ZBTB7C: variants seen among roughly 807,000 people sequenced by gnomAD.
The protein encoded by ZBTB7C is zinc finger and BTB domain-containing protein 7C.
ZBTB7C carries 8 observed loss-of-function variants against 25.7 expected under a neutral mutation model. The observed-to-expected ratio is 0.31, with a 90% CI of 0.18 to 0.56. The LOEUF is 0.56. Among genes scored for constraint, ZBTB7C ranks in the 20% least tolerant of loss-of-function variants. The pLI is 0.91. For synonymous variants in ZBTB7C, 394 were observed against 369.0 expected (o/e 1.07, Z -0.78); for missense variants, 824 against 855.2 (o/e 0.96, Z 0.46).
intron 3 of ZBTB7C, chr18:48,180,600 G>T (rs531145708): frequency 9.5e-6 from 3 of 314,798 alleles, no homozygotes; most frequent in Admixed American, 4.4e-5. Flanking sequence ...AGGGTGATGG[G>T]GGGGTGGGCC....
At chr18:48,087,383 CT>C in intron 3 of ZBTB7C, among the ~76,000 whole-genome samples, 1 of 152,318 alleles carries the variant, frequency 6.6e-6, no homozygotes, top group African/African-American at 2.4e-5. Flanking sequence ...ACTTACAGAC[CT>C]TTTGCATTCC....
intron 3 of ZBTB7C, among the ~76,000 whole-genome samples, chr18:48,089,250 CT>C (rs1380010575): frequency 1.3e-5 from 2 of 151,974 alleles, no homozygotes; most frequent in African/African-American, 4.8e-5. Context: ...GGGTGGATCA[CT>C]TGAGGTCAGG....
chr18:48,278,079 C>A (rs1032245126), intron 2 of ZBTB7C, among the ~76,000 whole-genome samples: 11 of 152,166 alleles, frequency 7.2e-5, no homozygotes, highest in Non-Finnish European at 1.3e-4. Context: ...TTATGTTTCC[C>A]TCCCCCTGAA....
intron 1 of ZBTB7C, among the ~76,000 whole-genome samples, chr18:48,397,372 T>C (rs2048053645): frequency 6.6e-6 from 1 of 152,212 alleles, no homozygotes; most frequent in South Asian, 2.1e-4. Flanking sequence ...ACCATTCCTT[T>C]GTACAGGCGG....
intron 3 of ZBTB7C, among the ~76,000 whole-genome samples, chr18:48,087,969 C>A (rs1237863611): frequency 6.6e-6 from 1 of 151,836 alleles, no homozygotes; most frequent in African/African-American, 2.4e-5. Context: ...TTTGAAAAGA[C>A]TAAAACAGTA....
chr18:48,167,479 C>T (rs959641472), intron 3 of ZBTB7C, among the ~76,000 whole-genome samples: 3 of 152,042 alleles, frequency 2.0e-5, no homozygotes, highest in African/African-American at 7.3e-5. Flanking sequence ...GTATGGGGGA[C>T]ATCAAAGGCA....
Position 48,358,510 on chromosome 18 carries a change from G to A in ZBTB7C, c.-303-20112C>T, listed in dbSNP as rs367923261. On this transcript the variant is annotated intron_variant, in intron 1 of 4. Transcript: ENST00000590800. The stretch of plus-strand genomic sequence containing the variant: ...TGCTGGAGCCAGGCTTGTACAGTTG[G>A]CAGAACTGTGAGTCAATCAAACCCT... 2.9e-4 allele frequency among the ~76,000 whole-genome samples: 44 copies of A among 152,268 alleles called. No individual in the cohort carries two copies. The South Asian group carries it at 8.5e-3, about 29-fold the overall frequency.
At chr18:48,106,266 G>A (rs887553660) in intron 3 of ZBTB7C, among the ~76,000 whole-genome samples, 1 of 151,410 alleles carries the variant, frequency 6.6e-6, no homozygotes, top group Non-Finnish European at 1.5e-5. Flanking sequence ...GCAAGCCCCT[G>A]ACAAGCTCCT....
chr18:48,143,314 C>T (rs577841154), intron 3 of ZBTB7C, among the ~76,000 whole-genome samples: 26 of 152,060 alleles, frequency 1.7e-4, no homozygotes, highest in African/African-American at 5.8e-4. Flanking sequence ...GCAGGGTCAC[C>T]GGCACTTACC....
At chr18:48,161,636 G>A (rs373801152) in intron 3 of ZBTB7C, among the ~76,000 whole-genome samples, 3,397 of 151,710 alleles carry the variant, frequency 0.022, 126 homozygotes, top group African/African-American at 0.078. Flanking sequence ...CCGGCCACAA[G>A]CGCCCCGGAC....
intron 3 of ZBTB7C, chr18:48,185,224 G>A: frequency 2.7e-6 from 1 of 370,394 alleles, no homozygotes; most frequent in South Asian, 2.1e-5. Context: ...TCCTCCATCA[G>A]TCCAGTTCAA....
At chr18:48,285,005 G>A (rs1221499828) in intron 2 of ZBTB7C, among the ~76,000 whole-genome samples, 6 of 152,202 alleles carry the variant, frequency 3.9e-5, no homozygotes, top group African/African-American at 1.4e-4. Context: ...GGTAGAGAAT[G>A]TGGGCTGCAT....
intron 1 of ZBTB7C, among the ~76,000 whole-genome samples, chr18:48,342,285 G>C (rs2046621095): frequency 6.6e-6 from 1 of 152,238 alleles, no homozygotes; most frequent in Admixed American, 6.5e-5. Flanking sequence ...TGCACCCCCT[G>C]CCCAGAGCCC....
At chr18:48,336,358 G>T (rs539174569) in intron 2 of ZBTB7C, among the ~76,000 whole-genome samples, 1 of 152,166 alleles carries the variant, frequency 6.6e-6, no homozygotes, top group Non-Finnish European at 1.5e-5. Context: ...GCAGAATCAC[G>T]GAAACAAGCT....
At chr18:48,142,397 G>A (rs1248354947) in intron 3 of ZBTB7C, among the ~76,000 whole-genome samples, 1 of 152,196 alleles carries the variant, frequency 6.6e-6, no homozygotes, top group African/African-American at 2.4e-5. Flanking sequence ...AGGGGGAGGT[G>A]TGGGCCAAGC....
At chr18:48,254,229 G>C (rs531390622) in intron 2 of ZBTB7C, among the ~76,000 whole-genome samples, 57 of 152,350 alleles carry the variant, frequency 3.7e-4, no homozygotes, top group African/African-American at 1.3e-3. Flanking sequence ...GCTTACATGG[G>C]TGAATGCCGG....
intron 2 of ZBTB7C, among the ~76,000 whole-genome samples, chr18:48,210,023 A>G (rs1430654889): frequency 6.6e-6 from 1 of 152,252 alleles, no homozygotes; most frequent in Non-Finnish European, 1.5e-5. Flanking sequence ...CTGAATAGAC[A>G]TATCTTCAAA....
At chr18:48,236,591 T>C (rs1194625399) in intron 2 of ZBTB7C, among the ~76,000 whole-genome samples, 1 of 152,120 alleles carries the variant, frequency 6.6e-6, no homozygotes, top group African/African-American at 2.4e-5. Context: ...AATGTTACTG[T>C]GGGAGGAGGA....
rs949245449 is a variant in ZBTB7C at position 48,242,507 on chromosome 18, G to A, written c.-78-56512C>T. 4.5e-4 allele frequency among the ~76,000 whole-genome samples: 69 copies of A among 152,094 alleles called. 1 individual carries two copies. Among genetic ancestry groups the A allele is most frequent in the Non-Finnish European group, 1.9e-4 (13 of 68,000 alleles). The stretch of plus-strand genomic sequence containing the variant: ...ATCAAAAAGATAATATACCATGATC[G>A]AGTGGGTTTCATACCTGGGATGCAG... On this transcript the variant is annotated intron_variant, in intron 2 of 4. Transcript: ENST00000590800.
Sources: allele counts gnomAD v4.1 joint callset (sites outside exome capture counted in the v4.1 genomes callset), GRCh38; gene constraint gnomAD v4.1.1; transcripts MANE v1.5; gene names NCBI Gene and HGNC (gene_info 2026-07-23, HGNC 2026-07-21).